ZC3H12B: variants seen among roughly 807,000 people sequenced by gnomAD.
The protein encoded by ZC3H12B is probable ribonuclease ZC3H12B.
ZC3H12B carries 7 observed loss-of-function variants against 43.9 expected under a neutral mutation model. The ratio of observed to expected loss-of-function variants is 0.16; its 90% confidence interval spans 0.09 to 0.30. The LOEUF (loss-of-function observed/expected upper bound fraction) is 0.30, where lower values mean the gene tolerates loss of function less well. Among genes scored for constraint, ZC3H12B ranks in the 10% least tolerant of loss-of-function variants. The pLI is 1.00. For missense variants in ZC3H12B, 475 were observed against 670.2 expected (o/e 0.71, Z 3.22); for synonymous variants, 222 against 241.7 (o/e 0.92, Z 0.76).
chrX:65,363,153 T>A (rs758507366), upstream of ZC3H12B, among the ~76,000 whole-genome samples: 48 of 111,194 alleles, frequency 4.3e-4, no homozygotes, highest in Non-Finnish European at 8.3e-4. Context: ...ACCCCTCTGC[T>A]TCTCACCTTA....
chrX:65,477,450 G>A (rs1054586095), intron 3 of ZC3H12B, among the ~76,000 whole-genome samples: 5 of 111,596 alleles, frequency 4.5e-5, no homozygotes, highest in African/African-American at 1.3e-4. Context: ...AATATTTGAT[G>A]TCTAATGGCT....
intron 2 of ZC3H12B, among the ~76,000 whole-genome samples, chrX:65,372,275 T>C (rs968142613): frequency 8.9e-6 from 1 of 111,902 alleles, no homozygotes; most frequent in Admixed American, 9.6e-5. Context: ...TGAGACTATA[T>C]GTAGAAGCCT....
chrX:65,445,223 C>T (rs2067359903), intron 3 of ZC3H12B, among the ~76,000 whole-genome samples: 2 of 112,276 alleles, frequency 1.8e-5, no homozygotes, highest in Non-Finnish European at 3.8e-5. Context: ...CCTTATTTAG[C>T]TCATTTGGTG....
the ZC3H12B span, among the ~76,000 whole-genome samples, chrX:65,234,698 A>G: frequency 8.9e-6 from 1 of 112,655 alleles, no homozygotes. Context: ...AATCAGTAGC[A>G]TTTATTAAGT....
At chrX:65,186,948 G>T in the ZC3H12B span, among the ~76,000 whole-genome samples, 2 of 111,432 alleles carry the variant, frequency 1.8e-5, no homozygotes, top group African/African-American at 6.5e-5. Flanking sequence ...TGGGCATTTG[G>T]GCTGGTTCCA....
the ZC3H12B span, among the ~76,000 whole-genome samples, chrX:65,319,953 C>T: frequency 9.0e-6 from 1 of 111,513 alleles, no homozygotes; most frequent in Admixed American, 9.5e-5. Flanking sequence ...GTGGCAAACC[C>T]ACATCCAATA....
the ZC3H12B span, among the ~76,000 whole-genome samples, chrX:65,082,713 CTA>C: frequency 9.0e-6 from 1 of 111,273 alleles, no homozygotes; most frequent in African/African-American, 3.3e-5. Flanking sequence ...CCTACTCAAA[CTA>C]TTCCAAAAAT....
intron 2 of ZC3H12B, among the ~76,000 whole-genome samples, chrX:65,378,170 A>C (rs2066375056): frequency 8.9e-6 from 1 of 111,760 alleles, no homozygotes; most frequent in Non-Finnish European, 1.9e-5. Context: ...AATTCAAAAT[A>C]TTATAACACA....
chrX:65,447,497 C>A (rs769049493), intron 3 of ZC3H12B, among the ~76,000 whole-genome samples: 9 of 111,542 alleles, frequency 8.1e-5, no homozygotes, highest in African/African-American at 2.9e-4. Flanking sequence ...TAGAAGAAAA[C>A]CTAGGAAAAA....
intron 2 of ZC3H12B, among the ~76,000 whole-genome samples, chrX:65,372,380 G>T (rs1401798227): frequency 5.4e-5 from 6 of 110,879 alleles, no homozygotes; most frequent in Non-Finnish European, 7.5e-5. Flanking sequence ...AGCAACAGAG[G>T]TTTAAGATAA....
chrX:65,143,894 T>C, the ZC3H12B span, among the ~76,000 whole-genome samples: 1 of 111,158 alleles, frequency 9.0e-6, no homozygotes, highest in Non-Finnish European at 1.9e-5. Flanking sequence ...TATATGTTTT[T>C]GGATTTGGTT....
chrX:65,250,391 A>G, the ZC3H12B span, among the ~76,000 whole-genome samples: 5 of 111,968 alleles, frequency 4.5e-5, no homozygotes, highest in African/African-American at 1.3e-4. Flanking sequence ...GTGCCACAAT[A>G]AACATACATG....
intron 3 of ZC3H12B, among the ~76,000 whole-genome samples, chrX:65,464,763 T>G (rs2067796022): frequency 9.1e-6 from 1 of 110,476 alleles, no homozygotes; most frequent in South Asian, 3.7e-4. Flanking sequence ...TAGAAAACTT[T>G]TCTTTAAGCA....
At chrX:65,172,339 C>CT in the ZC3H12B span, among the ~76,000 whole-genome samples, 1 of 111,525 alleles carries the variant, frequency 9.0e-6, no homozygotes, top group Non-Finnish European at 1.9e-5. Context: ...GATATTAGAC[C>CT]TTTTTCTGGT....
At chrX:65,415,191 A>G (rs1334664207) in intron 3 of ZC3H12B, among the ~76,000 whole-genome samples, 1 of 112,572 alleles carries the variant, frequency 8.9e-6, no homozygotes, top group Non-Finnish European at 1.9e-5. Context: ...ATAAAAAGGA[A>G]TGTCTAGGTG....
At chrX:65,332,274 C>T in the ZC3H12B span, among the ~76,000 whole-genome samples, 2 of 110,807 alleles carry the variant, frequency 1.8e-5, no homozygotes, top group Non-Finnish European at 3.8e-5. Flanking sequence ...TAAGGTCTCT[C>T]ATATTTGGGA....
chrX:65,335,516 A>G, the ZC3H12B span, among the ~76,000 whole-genome samples: 2 of 112,015 alleles, frequency 1.8e-5, no homozygotes, highest in East Asian at 2.8e-4. Context: ...GAGTTTTTAC[A>G]AAATCTAGAC....
At chrX:65,064,349 G>A in the ZC3H12B span, among the ~76,000 whole-genome samples, 3 of 111,821 alleles carry the variant, frequency 2.7e-5, no homozygotes, top group African/African-American at 9.8e-5. Flanking sequence ...CTGGTATGTT[G>A]TGTCTTTGTT....
At chrX:65,065,994 C>T in the ZC3H12B span, among the ~76,000 whole-genome samples, 1 of 107,989 alleles carries the variant, frequency 9.3e-6, no homozygotes, top group Non-Finnish European at 1.9e-5. Context: ...TCAGCTCCAT[C>T]AGGTCATTTA....
Sources: gnomAD v4.1 joint callset for allele counts (sites outside exome capture counted in the v4.1 genomes callset) on GRCh38, gnomAD v4.1.1 for gene constraint, MANE v1.5 for transcripts, NCBI Gene and HGNC (gene_info 2026-07-23, HGNC 2026-07-21) for gene names.